The following MAPT variants were observed in gnomAD, a reference collection of about 807,000 sequenced individuals.
MAPT encodes the protein microtubule associated protein tau, also known as microtubule-associated protein tau.
Under a neutral mutation model 67.9 loss-of-function variants are expected in MAPT, and 34 were observed. The observed-to-expected ratio is 0.50, with a 90% CI of 0.38 to 0.67. The LOEUF is 0.67. Ranked by LOEUF, MAPT falls within the 30% of genes least tolerant of loss-of-function variation. The pLI, the probability that MAPT is intolerant of heterozygous loss-of-function variation, is 0.00. For synonymous variants in MAPT, 456 were observed against 464.5 expected (o/e 0.98, Z 0.23); for missense variants, 881 against 1,115.2 (o/e 0.79, Z 2.99).
intron 8 of MAPT, chr17:45,993,991 T>G: frequency 2.6e-6 from 4 of 1,560,242 alleles, no homozygotes; most frequent in Non-Finnish European, 3.5e-6. Flanking sequence ...CTCGGGAGCC[T>G]ACTTCGCTGG....
At chr17:45,991,838 G>A (rs2145772171) in intron 8 of MAPT, among the ~76,000 whole-genome samples, 1 of 150,896 alleles carries the variant, frequency 6.6e-6, no homozygotes, top group African/African-American at 2.4e-5. Context: ...AGGCCGGAGT[G>A]CAGTGGTGTG....
At chr17:45,895,048 CGTGTGTGTGTGTGTGTGTGTGTGTGT>C (rs10593245) in intron 1 of MAPT, 1 of 133,484 alleles carries the variant, frequency 7.5e-6, no homozygotes, top group Non-Finnish European at 1.6e-5. Context: ...CCGCAATGGG[CGTGTGTGTGTGTGTGTGTGTGTGTGT>C]GTGTGTGTGT....
Position 45,947,916 on chromosome 17 carries a change from G to A in MAPT, c.-17-14405G>A, listed in dbSNP as rs552088483. ...TAAATCAAAATAGCATGGAATAAGC[G>A]AAAAAAATGGATCCCACCCTTCCCC... On this transcript the variant is annotated intron_variant, in intron 1 of 12. Coordinates refer to ENST00000262410, the MANE Select transcript of MAPT (RefSeq NM_001377265.1). 4.6e-5 allele frequency among the ~76,000 whole-genome samples: 7 copies of A among 152,054 alleles called. No individual in the cohort carries two copies. In the South Asian group the frequency reaches 1.2e-3, roughly 27 times the overall value.
chr17:46,002,533 G>T (rs2075085894), intron 9 of MAPT, among the ~76,000 whole-genome samples: 1 of 152,172 alleles, frequency 6.6e-6, no homozygotes, highest in Non-Finnish European at 1.5e-5. Flanking sequence ...GGCCTGGTTG[G>T]CTCTGAGAAG....
At position 45,897,301 on chromosome 17, in the gene MAPT, G is replaced by A. The variant is rs1047290603; in HGVS notation, c.-18+2615G>A. 2.0e-5 allele frequency: 3 copies of A among 152,292 alleles called. No homozygotes were observed. Among genetic ancestry groups the A allele is most frequent in the Non-Finnish European group, 4.4e-5 (3 of 68,058 alleles). The allele number at this position is 152,292 out of a possible 1,614,324, so 9.4% of individuals were successfully genotyped here. A position where few individuals can be genotyped will look rare whatever the true frequency, so the allele number is the denominator to read the frequency against. On this transcript the variant is annotated intron_variant, in intron 1 of 12. Transcript: ENST00000262410. The surrounding 1 kb of genome is among the most constrained non-coding windows in gnomAD (Gnocchi z 5.0). The stretch of plus-strand genomic sequence containing the variant: ...AGAGATGTCACCTCCTGCCTTTGGA[G>A]GAAAGGGAGCCCGGTGGGGATGAGC...
chr17:45,941,780 A>G (rs1003440094), intron 1 of MAPT, among the ~76,000 whole-genome samples: 1 of 141,838 alleles, frequency 7.1e-6, no homozygotes, highest in African/African-American at 2.7e-5. Flanking sequence ...TTTCTGTTTC[A>G]GGACATAAAT....
intron 12 of MAPT, among the ~76,000 whole-genome samples, chr17:46,020,961 C>T (rs961024812): frequency 1.3e-5 from 2 of 152,140 alleles, no homozygotes; most frequent in African/African-American, 4.8e-5. Flanking sequence ...AAGTGGCAGC[C>T]GGGCCGTCTT....
intron 5 of MAPT, chr17:45,985,587 C>A: frequency 1.7e-6 from 1 of 587,940 alleles, no homozygotes; most frequent in Admixed American, 6.3e-5. Flanking sequence ...TACTAATGGC[C>A]ATTGTGACCC....
chr17:45,989,092 G>A (rs1341703997), intron 6 of MAPT, among the ~76,000 whole-genome samples: 1 of 151,718 alleles, frequency 6.6e-6, no homozygotes, highest in Admixed American at 6.7e-5. Context: ...CAGTGTGGTG[G>A]AAGAGGCCAT....
At position 45,982,968 on chromosome 17, in the gene MAPT, G is replaced by A; in HGVS notation, c.389G>A (p.Gly130Glu). Residue 130 changes from glycine (G) to glutamate (E), a missense_variant, in exon 5 of 13, where the codon GGG becomes GAG. By Grantham distance (98) the Gly-to-Glu change is moderately conservative (BLOSUM62 -2). This residue lies in a region of MAPT where 687 missense variants were observed against 766.1 expected (regional missense o/e 0.90). Coordinates refer to ENST00000262410, the MANE Select transcript of MAPT (RefSeq NM_001377265.1). ...CCTGGACCCTGCGGAGAGGCCTCTG[G>A]GGTCTCTGGGCCGTGCCTCGGGGAG... ...VQPGPCGEAS[G>E]VSGPCLGEKE... is the part of the protein sequence containing the mutation. The A allele has an allele frequency of 7.0e-7, 1 of 1,432,742 alleles. No homozygotes were observed. Among genetic ancestry groups the A allele is most frequent in the Non-Finnish European group, 9.1e-7 (1 of 1,097,010 alleles). 88.8% of individuals were successfully genotyped at this position (1,432,742 alleles called of 1,614,324 possible).
chr17:46,023,647 C>T (rs2076666388), intron 12 of MAPT, among the ~76,000 whole-genome samples: 2 of 152,178 alleles, frequency 1.3e-5, no homozygotes, highest in Non-Finnish European at 2.9e-5. Context: ...CAAGACCAGC[C>T]TGGGCAACAT....
At chr17:45,927,573 T>C (rs2033091290) in intron 1 of MAPT, among the ~76,000 whole-genome samples, 1 of 152,180 alleles carries the variant, frequency 6.6e-6, no homozygotes, top group Admixed American at 6.6e-5. Flanking sequence ...GCTTAGCTTT[T>C]TCTTTTCCCT....
intron 11 of MAPT, among the ~76,000 whole-genome samples, chr17:46,017,440 A>ATTTTTTTTTTTTTTTTTTTTTTT (rs76980614): frequency 2.2e-4 from 14 of 63,002 alleles, no homozygotes; most frequent in Non-Finnish European, 2.6e-4. Context: ...TGCCTGGCTA[A>ATTTTTTTTTTTTTTTTTTTTTTT]TTTTTTTTTT....
rs140582125 is a variant in MAPT, at chr17:45,902,366, G to A, written c.-18+7680G>A. Reference sequence around the variant, plus strand: ...ATTACAGGTGTGAGCCACCGCGCCCGGCCAGCTTGCACCTTATTTAGGATA... The same window carrying A: ...ATTACAGGTGTGAGCCACCGCGCCCAGCCAGCTTGCACCTTATTTAGGATA... On this transcript the variant is annotated intron_variant, in intron 1 of 12. Coordinates refer to ENST00000262410, the MANE Select transcript of MAPT (RefSeq NM_001377265.1). Among the ~76,000 whole-genome samples, 835 of 152,004 alleles carry A rather than the reference G, an allele frequency of 5.5e-3. 1 individual carries two copies. The highest frequency in any genetic ancestry group is 7.4e-3 in the Non-Finnish European group (502 of 67,966).
At position 45,897,500 on chromosome 17, in the gene MAPT, G is replaced by C. The variant is rs1298917719; in HGVS notation, c.-18+2814G>C. The C allele has an allele frequency of 6.6e-6, 1 of 152,236 alleles. No individual in the cohort carries two copies. Among genetic ancestry groups the C allele is most frequent in the African/African-American group, 2.4e-5 (1 of 41,436 alleles). 9.4% of individuals were successfully genotyped at this position (152,236 alleles called of 1,614,324 possible). A position where few individuals can be genotyped will look rare whatever the true frequency, so the allele number is the denominator to read the frequency against. ...GTAGGAAACTCTATCCTGGCTCTGCGCGCGCTTTAAGGAAATGGCTTCCCT... is the reference window on the plus strand; with the variant it reads ...GTAGGAAACTCTATCCTGGCTCTGCCCGCGCTTTAAGGAAATGGCTTCCCT... On this transcript the variant is annotated intron_variant, in intron 1 of 12. Coordinates refer to ENST00000262410, the MANE Select transcript of MAPT (RefSeq NM_001377265.1). The surrounding 1 kb of genome is among the most constrained non-coding windows in gnomAD (Gnocchi z 5.0).
intron 1 of MAPT, among the ~76,000 whole-genome samples, chr17:45,911,597 C>T (rs953763518): frequency 6.6e-6 from 1 of 151,680 alleles, no homozygotes; most frequent in Non-Finnish European, 1.5e-5. Flanking sequence ...CCTGTCTCTA[C>T]AAAAAATTTT....
intron 6 of MAPT, among the ~76,000 whole-genome samples, chr17:45,989,344 T>C (rs2073867788): frequency 6.6e-6 from 1 of 152,172 alleles, no homozygotes; most frequent in Admixed American, 6.5e-5. Context: ...TCCTTTTTCA[T>C]GTCCTCTTCT....
chr17:45,943,138 C>T (rs978961244), intron 1 of MAPT, among the ~76,000 whole-genome samples: 7 of 152,232 alleles, frequency 4.6e-5, no homozygotes, highest in Non-Finnish European at 1.0e-4. Flanking sequence ...ACTGCAACCT[C>T]CGCCTCCCAG....
chr17:45,990,354 C>A (rs2073962817), intron 7 of MAPT: 2 of 517,882 alleles, frequency 3.9e-6, no homozygotes, highest in Admixed American at 6.3e-5. Flanking sequence ...TGGCTCACAC[C>A]TGTAATCCCA....
Sources: allele counts gnomAD v4.1 joint callset (sites outside exome capture counted in the v4.1 genomes callset), GRCh38; gene constraint gnomAD v4.1.1; regional missense constraint gnomAD v4.1.1; non-coding constraint Gnocchi (gnomAD v3.1); transcripts MANE v1.5; gene names NCBI Gene and HGNC (gene_info 2026-07-23, HGNC 2026-07-21).